SMCR8: variants seen among roughly 807,000 people sequenced by gnomAD.
The protein encoded by SMCR8 is SMCR8-C9orf72 complex subunit.
Under a neutral mutation model 56.6 loss-of-function variants are expected in SMCR8, and 30 were observed. That is an observed-to-expected ratio of 0.53 (90% CI 0.40 to 0.72). The LOEUF is 0.72. SMCR8 is among the 30% of genes least tolerant of loss of function. The pLI, the probability that SMCR8 is intolerant of heterozygous loss-of-function variation, is 0.00. For synonymous variants in SMCR8, 538 were observed against 456.0 expected, an observed-to-expected ratio of 1.18 and a Z score of -2.29; for missense variants, 1,198 against 1,157.0, an observed-to-expected ratio of 1.04 and a Z score of -0.51.
rs769596685 is a variant in SMCR8 at position 18,322,653 on chromosome 17, C to T, written c.2397C>T (p.Ala799=). The T allele has an allele frequency of 1.7e-5, 27 of 1,614,080 alleles. No individual in the cohort carries two copies. Among genetic ancestry groups the T allele is most frequent in the Non-Finnish European group, 2.3e-5 (27 of 1,180,040 alleles). The change falls in exon 2 of 2, where the codon GCC becomes GCT. Residue 799 remains alanine (A), a synonymous_variant. Transcript: ENST00000406438. ...CTGCCGGTGCCGGTACCCTCCATGC[C>T]CTGAGCCGCTACAGCCGCTACACGA... The part of the protein sequence containing the change: ...ASPAGAGTLH[A]LSRYSRYTSI...
rs1034849740 is a variant in SMCR8, at chr17:18,323,887, G to A, written c.*817G>A. The stretch of plus-strand genomic sequence containing the variant: ...CTGGAGAGCACAGCAGGCAGAGCAG[G>A]GCTGAGGCGCCATGAGGCCATCACC... On this transcript the variant is annotated 3_prime_UTR_variant, in exon 2 of 2. Coordinates refer to ENST00000406438, the MANE Select transcript of SMCR8 (RefSeq NM_144775.3). The A allele has an allele frequency of 1.3e-5, 2 of 152,612 alleles. No homozygotes were observed. Among genetic ancestry groups the A allele is most frequent in the African/African-American group, 4.8e-5 (2 of 41,464 alleles). 9.5% of individuals were successfully genotyped at this position (152,612 alleles called of 1,614,324 possible). A position where few individuals can be genotyped will look rare whatever the true frequency, so the allele number is the denominator to read the frequency against.
At chr17:18,320,285 G>C (rs921224078) in intron 1 of SMCR8, among the ~76,000 whole-genome samples, 1 of 152,220 alleles carries the variant, frequency 6.6e-6, no homozygotes, top group Non-Finnish European at 1.5e-5. Context: ...GTGCGCTTGG[G>C]GGCTGGAGAG....
At position 18,317,910 on chromosome 17, in the gene SMCR8, C is replaced by A. The variant is rs769019947; in HGVS notation, c.2121C>A (p.Gly707=). 1.9e-6 allele frequency: 3 copies of A among 1,614,040 alleles called. No homozygotes were observed. In the African/African-American group the frequency reaches 4.0e-5, roughly 22 times the overall value. Residue 707 remains glycine, a synonymous_variant, in exon 1 of 2, where the codon GGC becomes GGA. Transcript: ENST00000406438. ...LSSDRHKKRA[G]QNALKFIRQY... ...CCGATAGGCATAAAAAGAGGGCTGG[C>A]CAGAACGCCTTAAAATTCATCCGCC...
intron 1 of SMCR8, among the ~76,000 whole-genome samples, chr17:18,321,529 G>A (rs1436047164): frequency 1.3e-5 from 2 of 152,236 alleles, no homozygotes; most frequent in Non-Finnish European, 2.9e-5. Flanking sequence ...TCTCCACAGC[G>A]ACCCCATGAG....
chr17:18,318,004 G>A lies in SMCR8; in HGVS notation c.2215G>A (p.Asp739Asn), dbSNP rs777314901. 1.9e-5 allele frequency: 31 copies of A among 1,614,166 alleles called. 1 individual carries two copies. The Admixed American group carries it at 2.0e-4, about 10-fold the overall frequency. ...SGRTLVVLGE[D>N]EAIVRKLVTA... Reference sequence around the variant, plus strand: ...GAGGACACTTGTGGTCCTGGGGGAAGATGAGGCCATAGTCAGGAAACTCGT... The same window carrying A: ...GAGGACACTTGTGGTCCTGGGGGAAAATGAGGCCATAGTCAGGAAACTCGT... The change falls in exon 1 of 2, where the codon GAT (aspartate) becomes AAT (asparagine). Residue 739 changes from aspartate (D) to asparagine (N), a missense_variant. Physicochemically the swap from Asp to Asn is conservative, Grantham distance 23 (BLOSUM62 1). Transcript: ENST00000406438.
rs145017487 is a variant in SMCR8 at position 18,317,750 on chromosome 17, C to T, written c.1961C>T (p.Pro654Leu). 21 of 1,614,032 alleles carry T rather than the reference C, an allele frequency of 1.3e-5. No homozygotes were observed. Among genetic ancestry groups the T allele is most frequent in the Middle Eastern group, 1.6e-4 (1 of 6,084 alleles). ...CEGFPAYELDPSHLLASRDIS... is the reference protein window; with the variant it reads ...CEGFPAYELDLSHLLASRDIS... Reference sequence around the variant, plus strand: ...GGGTTTCCCGCTTATGAGCTGGACCCGAGCCACCTGCTGGCTAGCCGGGAC... The same window carrying T: ...GGGTTTCCCGCTTATGAGCTGGACCTGAGCCACCTGCTGGCTAGCCGGGAC... Residue 654 changes from proline (P) to leucine (L), a missense_variant, in exon 1 of 2, where the codon CCG becomes CTG. Physicochemically the swap from Pro to Leu is moderately conservative, Grantham distance 98. Transcript: ENST00000406438.
rs552639030 is a variant in SMCR8, at chr17:18,317,830, G to A, written c.2041G>A (p.Val681Ile). Reference protein sequence around the residue: ...YSDTTSYVSSVASTSSDRIPS... With the variant: ...YSDTTSYVSSIASTSSDRIPS... ...AGACACCACCAGCTACGTGAGCAGT[G>A]TAGCGTCCACCAGCTCAGACAGGAT... The change falls in exon 1 of 2, where the codon GTA becomes ATA. Residue 681 changes from valine to isoleucine, a missense_variant. Physicochemically the swap from Val to Ile is conservative, Grantham distance 29. Transcript: ENST00000406438. 1 of 1,614,166 alleles carries A rather than the reference G, an allele frequency of 6.2e-7. No homozygotes were observed. The highest frequency in any genetic ancestry group is 1.7e-5 in the Admixed American group (1 of 60,024).
Position 18,324,830 on chromosome 17 carries a change from G to A in SMCR8, c.*1760G>A, listed in dbSNP as rs1460308329. 1 of 152,308 alleles carries A rather than the reference G, an allele frequency of 6.6e-6. No individual in the cohort carries two copies. The highest frequency in any genetic ancestry group is 1.5e-5 in the Non-Finnish European group (1 of 68,086). 9.4% of individuals were successfully genotyped at this position (152,308 alleles called of 1,614,324 possible). Reference sequence around the variant, plus strand: ...CTGCGATGGAGAACCTTTTGTGGCAGATGGTGCTGCCTACATCTCATTGGT... The same window carrying A: ...CTGCGATGGAGAACCTTTTGTGGCAAATGGTGCTGCCTACATCTCATTGGT... On this transcript the variant is annotated 3_prime_UTR_variant, in exon 2 of 2. Transcript: ENST00000406438.
chr17:18,326,918 C>G lies in SMCR8; in HGVS notation c.*3848C>G, dbSNP rs1249459593. 2 of 152,638 alleles carry G rather than the reference C, an allele frequency of 1.3e-5. No individual in the cohort carries two copies. The highest frequency in any genetic ancestry group is 2.4e-5 in the African/African-American group (1 of 41,456). The allele number at this position is 152,638 out of a possible 1,614,324, so 9.5% of individuals were successfully genotyped here. A position where few individuals can be genotyped will look rare whatever the true frequency, so the allele number is the denominator to read the frequency against. On this transcript the variant is annotated 3_prime_UTR_variant, in exon 2 of 2. Coordinates refer to ENST00000406438, the MANE Select transcript of SMCR8 (RefSeq NM_144775.3). ...AAGGTGTGCAAGGCCTTTGGGGGAA[C>G]TGAGCCCCTATAGTGGGCAGTCTCC...
Position 18,316,600 on chromosome 17 carries a change from A to T in SMCR8, c.811A>T (p.Met271Leu), listed in dbSNP as rs1437361214. The T allele has an allele frequency of 5.0e-6, 8 of 1,614,062 alleles. No individual in the cohort carries two copies. Among genetic ancestry groups the T allele is most frequent in the African/African-American group, 1.3e-5 (1 of 74,916 alleles). Reference protein sequence around the residue: ...LKGHDLCPGEMEHIQDQASQA... With the variant: ...LKGHDLCPGELEHIQDQASQA... ...GGGGCATGATTTGTGTCCTGGTGAGATGGAGCACATCCAGGATCAGGCCAG... is the reference window on the plus strand; with the variant it reads ...GGGGCATGATTTGTGTCCTGGTGAGTTGGAGCACATCCAGGATCAGGCCAG... The change falls in exon 1 of 2, where the codon ATG becomes TTG. Residue 271 changes from methionine (M) to leucine (L), a missense_variant. Met to Leu is a conservative substitution (Grantham distance 15). Coordinates refer to ENST00000406438, the MANE Select transcript of SMCR8 (RefSeq NM_144775.3).
chr17:18,317,192 G>C lies in SMCR8; in HGVS notation c.1403G>C (p.Ser468Thr). ...LDMDMKGSIS[S>T]GESIEVLGTE... ...ATGGATATGAAAGGGAGTATCAGCA[G>C]TGGTGAAAGTATTGAAGTTTTGGGC... is the stretch of plus-strand genomic sequence containing the variant. The change falls in exon 1 of 2, where the codon AGT (serine) becomes ACT (threonine). Residue 468 changes from serine (S) to threonine (T), a missense_variant. By Grantham distance (58) the Ser-to-Thr change is moderately conservative (BLOSUM62 1). Transcript: ENST00000406438. 1 of 1,614,158 alleles carries C rather than the reference G, an allele frequency of 6.2e-7. No homozygotes were observed.
rs775891389 is a variant in SMCR8 at position 18,317,889 on chromosome 17, T to C, written c.2100T>C (p.Asp700=). 1.7e-5 allele frequency: 27 copies of C among 1,614,028 alleles called. No individual in the cohort carries two copies. Among genetic ancestry groups the C allele is most frequent in the Middle Eastern group, 1.6e-4 (1 of 6,084 alleles). The stretch of plus-strand genomic sequence containing the variant: ...CTTATCCTGCTGGCCTGTCTTCCGA[T>C]AGGCATAAAAAGAGGGCTGGCCAGA... The part of the protein sequence containing the change: ...PSAYPAGLSS[D]RHKKRAGQNA... Residue 700 remains aspartate, a synonymous_variant, in exon 1 of 2, where the codon GAT becomes GAC. Transcript: ENST00000406438.
intron 1 of SMCR8, among the ~76,000 whole-genome samples, chr17:18,321,444 T>G (rs1982494130): frequency 6.6e-6 from 1 of 152,228 alleles, no homozygotes; most frequent in Admixed American, 6.5e-5. Flanking sequence ...TGGTCAGTGC[T>G]AGGCTAAAAG....
In SMCR8 at chr17:18,318,040, G is replaced by T; in HGVS notation, c.2251G>T (p.Ala751Ser). Residue 751 changes from alanine to serine, a missense_variant, in exon 1 of 2, where the codon GCT (alanine) becomes TCT (serine). Physicochemically the swap from Ala to Ser is moderately conservative, Grantham distance 99. Transcript: ENST00000406438. ...AGTCAGGAAACTCGTGACTGCACTGGCTATCTTTGTCCCCAGCTATGGCTG... is the reference window on the plus strand; with the variant it reads ...AGTCAGGAAACTCGTGACTGCACTGTCTATCTTTGTCCCCAGCTATGGCTG... ...AIVRKLVTAL[A>S]IFVPSYGCYA... 1 of 1,614,238 alleles carries T rather than the reference G, an allele frequency of 6.2e-7. No individual in the cohort carries two copies. The highest frequency in any genetic ancestry group is 8.5e-7 in the Non-Finnish European group (1 of 1,180,052).
rs972513545 is a variant in SMCR8, at chr17:18,326,103, A to C, written c.*3033A>C. 1.3e-5 allele frequency: 2 copies of C among 152,200 alleles called. No individual in the cohort carries two copies. Among genetic ancestry groups the C allele is most frequent in the East Asian group, 3.8e-4 (2 of 5,200 alleles). The allele number at this position is 152,200 out of a possible 1,614,324, so 9.4% of individuals were successfully genotyped here. A position where few individuals can be genotyped will look rare whatever the true frequency, so the allele number is the denominator to read the frequency against. On this transcript the variant is annotated 3_prime_UTR_variant, in exon 2 of 2. Transcript: ENST00000406438. ...TTCATTTGAGGTATTCTTCCAGTAG[A>C]AGGTTAGTAAGTTTTTAATGAAACC...
intron 1 of SMCR8, among the ~76,000 whole-genome samples, chr17:18,320,666 C>T (rs1350210173): frequency 6.6e-6 from 1 of 152,206 alleles, no homozygotes; most frequent in Non-Finnish European, 1.5e-5. Context: ...CGTCTCACTG[C>T]CCTCATGAGC....
At position 18,318,135 on chromosome 17, in the gene SMCR8, T is replaced by C; in HGVS notation, c.2346T>C (p.Leu782=). The C allele has an allele frequency of 5.0e-6, 8 of 1,612,116 alleles. No homozygotes were observed. Among genetic ancestry groups the C allele is most frequent in the Non-Finnish European group, 6.8e-6 (8 of 1,178,268 alleles). Reference sequence around the variant, plus strand: ...TTATGGATTTTCAGAAGTGGAAGCTTATTGGCTTGCAGAGGTAACTGGTTC... The same window carrying C: ...TTATGGATTTTCAGAAGTGGAAGCTCATTGGCTTGCAGAGGTAACTGGTTC... The part of the protein sequence containing the change: ...LHIMDFQKWK[L]IGLQRVASPA... The change falls in exon 1 of 2, where the codon CTT becomes CTC. Residue 782 remains leucine, a synonymous_variant. Transcript: ENST00000406438.
At position 18,317,000 on chromosome 17, in the gene SMCR8, A is replaced by G; in HGVS notation, c.1211A>G (p.Glu404Gly). Residue 404 changes from glutamate (E) to glycine (G), a missense_variant, in exon 1 of 2, where the codon GAA becomes GGA. Physicochemically the swap from Glu to Gly is moderately conservative, Grantham distance 98. Transcript: ENST00000406438. ...SQDRPPSSSL[E>G]ECPIPKVLIS... Reference sequence around the variant, plus strand: ...GACAGGCCGCCTTCCAGTTCTCTAGAAGAATGCCCAATTCCTAAAGTGTTA... The same window carrying G: ...GACAGGCCGCCTTCCAGTTCTCTAGGAGAATGCCCAATTCCTAAAGTGTTA... 6.2e-7 allele frequency: 1 copy of G among 1,614,184 alleles called. No homozygotes were observed. Among genetic ancestry groups the G allele is most frequent in the African/African-American group, 1.3e-5 (1 of 75,048 alleles).
chr17:18,316,469 C>G lies in SMCR8; in HGVS notation c.680C>G (p.Ser227Cys). The change falls in exon 1 of 2, where the codon TCT (serine) becomes TGT (cysteine). Residue 227 changes from serine (S) to cysteine (C), a missense_variant. Coordinates refer to ENST00000406438, the MANE Select transcript of SMCR8 (RefSeq NM_144775.3). ...KKANDKGFYS[S>C]QAIEKANELA... ...GCCAACGACAAAGGCTTTTACTCAT[C>G]TCAGGCAATTGAGAAAGCCAATGAA... is the stretch of plus-strand genomic sequence containing the variant. The G allele has an allele frequency of 6.2e-7, 1 of 1,614,134 alleles. No homozygotes were observed. The highest frequency in any genetic ancestry group is 8.5e-7 in the Non-Finnish European group (1 of 1,180,024).
Sources: gnomAD v4.1 joint callset for allele counts (sites outside exome capture counted in the v4.1 genomes callset) on GRCh38, gnomAD v4.1.1 for gene constraint, MANE v1.5 for transcripts, NCBI Gene and HGNC (gene_info 2026-07-23, HGNC 2026-07-21) for gene names.